Variants in GRID2 observed in about 807,000 individuals in gnomAD.
GRID2 encodes glutamate ionotropic receptor delta type subunit 2.
GRID2 carries 33 observed loss-of-function variants against 114.8 expected under a neutral mutation model. The ratio of observed to expected loss-of-function variants is 0.29; its 90% CI spans 0.22 to 0.38. The LOEUF (loss-of-function observed/expected upper bound fraction) is 0.38, where lower values mean the gene tolerates loss of function less well. Among genes scored for constraint, GRID2 ranks in the 10% least tolerant of loss-of-function variants. The pLI is 1.00. For missense variants in GRID2, 1,184 were observed against 1,257.7 expected, an observed-to-expected ratio of 0.94 and a Z score of 0.89; for synonymous variants, 505 against 449.9, an observed-to-expected ratio of 1.12 and a Z score of -1.55.
chr4:93,198,938 C>T (rs1560976010), intron 4 of GRID2, among the ~76,000 whole-genome samples: 1 of 152,032 alleles, frequency 6.6e-6, no homozygotes, highest in Non-Finnish European at 1.5e-5. Context: ...TGATCAAAAT[C>T]CAACTAAGAA....
intron 8 of GRID2, among the ~76,000 whole-genome samples, chr4:93,260,079 G>T (rs1026831071): frequency 2.0e-5 from 3 of 151,746 alleles, no homozygotes; most frequent in African/African-American, 7.2e-5. Context: ...ATTCTACCTT[G>T]AATTGTGATT....
intron 1 of GRID2, among the ~76,000 whole-genome samples, chr4:92,324,515 A>G (rs1726485371): frequency 6.6e-6 from 1 of 151,908 alleles, no homozygotes; most frequent in Non-Finnish European, 1.5e-5. Flanking sequence ...ATATTCTTGC[A>G]TAGCCTATAA....
intron 2 of GRID2, among the ~76,000 whole-genome samples, chr4:92,817,385 A>G (rs958087728): frequency 1.3e-5 from 2 of 151,872 alleles, no homozygotes; most frequent in Non-Finnish European, 2.9e-5. Context: ...CCTTACTCCT[A>G]TTTTCTTCAG....
At chr4:93,191,186 A>G (rs1255475154) in intron 4 of GRID2, among the ~76,000 whole-genome samples, 2 of 152,080 alleles carry the variant, frequency 1.3e-5, no homozygotes, top group African/African-American at 4.8e-5. Context: ...TTAGCACAAA[A>G]AATAGCAAAA....
chr4:92,305,585 G>A (rs1725349795), intron 1 of GRID2, among the ~76,000 whole-genome samples: 1 of 152,146 alleles, frequency 6.6e-6, no homozygotes, highest in African/African-American at 2.4e-5. Context: ...CAGCGAAGGC[G>A]CCGGGACTAC....
chr4:92,753,508 G>A (rs561622600), intron 2 of GRID2, among the ~76,000 whole-genome samples: 26 of 152,274 alleles, frequency 1.7e-4, no homozygotes, highest in African/African-American at 4.8e-4. Flanking sequence ...ATAGAGTGGC[G>A]TTTGTTCAGT....
At chr4:92,835,120 G>A (rs1296589211) in intron 2 of GRID2, among the ~76,000 whole-genome samples, 1 of 151,194 alleles carries the variant, frequency 6.6e-6, no homozygotes, top group Non-Finnish European at 1.5e-5. Context: ...TCAATGGAAA[G>A]TAAAATTTAC....
intron 14 of GRID2, among the ~76,000 whole-genome samples, chr4:93,699,404 G>A (rs1458239474): frequency 1.3e-5 from 2 of 152,104 alleles, no homozygotes; most frequent in Admixed American, 1.3e-4. Flanking sequence ...GTACAGGTGA[G>A]GACGTATTAA....
intron 4 of GRID2, among the ~76,000 whole-genome samples, chr4:93,128,046 A>AAC (rs1734449530): frequency 6.9e-6 from 1 of 145,614 alleles, no homozygotes; most frequent in Non-Finnish European, 1.5e-5. Context: ...AAAAAAAAAA[A>AAC]AAAAAAAAAA....
At chr4:93,732,668 A>G (rs1252416673) in intron 14 of GRID2, among the ~76,000 whole-genome samples, 1 of 151,992 alleles carries the variant, frequency 6.6e-6, no homozygotes, top group East Asian at 1.9e-4. Flanking sequence ...TTCCCCCATC[A>G]AGCATTCTGA....
downstream of GRID2, among the ~76,000 whole-genome samples, chr4:93,776,373 T>C (rs1474424821): frequency 6.6e-6 from 1 of 152,244 alleles, no homozygotes; most frequent in Non-Finnish European, 1.5e-5. Flanking sequence ...AAATTACTTA[T>C]CTGACACTGA....
At chr4:92,435,367 C>T (rs1215832932) in intron 1 of GRID2, among the ~76,000 whole-genome samples, 2 of 152,136 alleles carry the variant, frequency 1.3e-5, no homozygotes, top group African/African-American at 4.8e-5. Flanking sequence ...GAAGCAGTAT[C>T]CATGGAGATG....
At chr4:92,348,116 T>G (rs920071204) in intron 1 of GRID2, among the ~76,000 whole-genome samples, 15 of 152,252 alleles carry the variant, frequency 9.9e-5, no homozygotes. Flanking sequence ...CCACCATGCC[T>G]GGCTACTTGT....
chr4:92,658,797 A>G lies in GRID2; in HGVS notation c.244+68511A>G, dbSNP rs201222766. 7.1e-3 allele frequency among the ~76,000 whole-genome samples: 865 copies of G among 121,992 alleles called. 15 individuals carry two copies. Among genetic ancestry groups the G allele is most frequent in the African/African-American group, 0.022 (644 of 29,524 alleles). 80.0% of individuals were successfully genotyped at this position (121,992 alleles called of 152,430 possible). On this transcript the variant is annotated intron_variant, in intron 2 of 15. Transcript: ENST00000282020. ...TGCATGTATGTGTGTGTGTGTGTAT[A>G]TATATATATATATATATATATACAC...
intron 2 of GRID2, among the ~76,000 whole-genome samples, chr4:92,735,995 C>A (rs1736580587): frequency 2.0e-5 from 3 of 152,014 alleles, no homozygotes; most frequent in East Asian, 1.9e-4. Flanking sequence ...AAAAGCCCCC[C>A]CAAAGATACC....
intron 1 of GRID2, among the ~76,000 whole-genome samples, chr4:92,546,608 C>T (rs1480123916): frequency 1.3e-5 from 2 of 152,180 alleles, no homozygotes; most frequent in African/African-American, 2.4e-5. Context: ...TTGTGTTTTT[C>T]AAAATCAAAC....
At chr4:92,884,792 C>T in intron 2 of GRID2, 1 of 324,864 alleles carries the variant, frequency 3.1e-6, no homozygotes, top group South Asian at 2.9e-5. Flanking sequence ...AATAATAATG[C>T]TATTTAAAAA....
At chr4:92,753,291 A>G (rs1417728697) in intron 2 of GRID2, among the ~76,000 whole-genome samples, 1 of 152,148 alleles carries the variant, frequency 6.6e-6, no homozygotes, top group Non-Finnish European at 1.5e-5. Flanking sequence ...ACCACTTTGG[A>G]TGAGATTGCC....
chr4:92,709,071 T>A (rs1735089760), intron 2 of GRID2, among the ~76,000 whole-genome samples: 1 of 152,136 alleles, frequency 6.6e-6, no homozygotes, highest in Admixed American at 6.6e-5. Context: ...GTCCTGTACA[T>A]CATGGGCCAT....
Sources: gnomAD v4.1 joint callset for allele counts (sites outside exome capture counted in the v4.1 genomes callset) on GRCh38, gnomAD v4.1.1 for gene constraint, MANE v1.5 for transcripts, NCBI Gene and HGNC (gene_info 2026-07-23, HGNC 2026-07-21) for gene names.